Variants in EGFR observed in about 807,000 individuals in gnomAD.
EGFR encodes the protein epidermal growth factor receptor.
In EGFR, 58 loss-of-function variants were observed where a neutral mutation model predicts 143.0. The observed-to-expected ratio is 0.41, with a 90% confidence interval of 0.33 to 0.50. EGFR has a LOEUF of 0.50. Among genes scored for constraint, EGFR ranks in the 20% least tolerant of loss-of-function variants. The pLI is 0.39. For missense variants in EGFR, 1,307 were observed against 1,579.0 expected, an observed-to-expected ratio of 0.83 and a Z score of 2.92; for synonymous variants, 613 against 594.4, an observed-to-expected ratio of 1.03 and a Z score of -0.45.
At chr7:55,190,647 T>C (rs13224708) in intron 20 of EGFR, among the ~76,000 whole-genome samples, 4,391 of 152,288 alleles carry the variant, frequency 0.029, 86 homozygotes, top group Non-Finnish European at 0.047. Context: ...CCTGTTTGTT[T>C]CTGTTTGCTG....
intron 1 of EGFR, among the ~76,000 whole-genome samples, chr7:55,036,229 T>G (rs1252687263): frequency 1.4e-5 from 2 of 141,422 alleles, no homozygotes; most frequent in Non-Finnish European, 3.1e-5. Flanking sequence ...GAGCTAAGTT[T>G]ATATTCTGTT....
At chr7:55,116,544 C>CAT (rs771626566) in intron 1 of EGFR, among the ~76,000 whole-genome samples, 1 of 151,920 alleles carries the variant, frequency 6.6e-6, no homozygotes, top group Non-Finnish European at 1.5e-5. Flanking sequence ...CATACACACA[C>CAT]ACACACACAC....
intron 1 of EGFR, among the ~76,000 whole-genome samples, chr7:55,097,186 T>G (rs1404933773): frequency 6.6e-6 from 1 of 152,182 alleles, no homozygotes; most frequent in Non-Finnish European, 1.5e-5. Context: ...ATCTGCAGTT[T>G]TCACAAGCAC....
intron 19 of EGFR, among the ~76,000 whole-genome samples, chr7:55,178,501 T>A (rs538047742): frequency 6.6e-6 from 1 of 152,290 alleles, no homozygotes; most frequent in South Asian, 2.1e-4. Context: ...CAGTGGGCCA[T>A]GGAGGGAGCC....
intron 17 of EGFR, among the ~76,000 whole-genome samples, chr7:55,173,617 A>C (rs1786458672): frequency 1.3e-5 from 2 of 152,256 alleles, no homozygotes; most frequent in African/African-American, 4.8e-5. Flanking sequence ...GCCATGCACA[A>C]CTTCCCTACC....
chr7:55,020,217 C>T (rs1272100677), intron 1 of EGFR, among the ~76,000 whole-genome samples: 1 of 152,238 alleles, frequency 6.6e-6, no homozygotes, highest in Non-Finnish European at 1.5e-5. Flanking sequence ...GTGCCCCCCA[C>T]CTCCCGGGGA....
rs11372886 is a variant in EGFR at position 55,023,650 on chromosome 7, C to CAAAA, written c.88+4301_88+4304dup. On this transcript the variant is annotated intron_variant, in intron 1 of 27. Transcript: ENST00000275493. ...CGCGCGACAGTGTGAGACTCCATCT[C>CAAAA]AAAAAAAAAAAAAAAAAAACAGATT... Among the ~76,000 whole-genome samples, 670 of 93,946 alleles carry CAAAA rather than the reference C, an allele frequency of 7.1e-3. 19 individuals carry two copies. Among genetic ancestry groups the CAAAA allele is most frequent in the African/African-American group, 0.025 (604 of 24,084 alleles). The allele number at this position is 93,946 out of a possible 152,430, so 61.6% of individuals were successfully genotyped here.
chr7:55,143,602 A>G, intron 3 of EGFR, 114 bp downstream of exon 3: 2 of 1,203,742 alleles, frequency 1.7e-6, no homozygotes, highest in Non-Finnish European at 2.4e-6. Flanking sequence ...ATTTTTACCC[A>G]GTACACGTGC....
intron 1 of EGFR, among the ~76,000 whole-genome samples, chr7:55,082,877 CT>C (rs1351621586): frequency 1.3e-5 from 2 of 152,182 alleles, no homozygotes; most frequent in Non-Finnish European, 2.9e-5. Flanking sequence ...GATGATGCCC[CT>C]GGCCTCTCCC....
At chr7:55,122,721 G>A (rs963830261) in intron 1 of EGFR, among the ~76,000 whole-genome samples, 3 of 152,186 alleles carry the variant, frequency 2.0e-5, no homozygotes, top group Non-Finnish European at 4.4e-5. Context: ...GATCCTCTGG[G>A]ACACTTTCCT....
intron 1 of EGFR, among the ~76,000 whole-genome samples, chr7:55,122,235 A>AC (rs1793250702): frequency 6.6e-6 from 1 of 152,052 alleles, no homozygotes; most frequent in Non-Finnish European, 1.5e-5. Context: ...TCCTCCGTCG[A>AC]CCTTGGCCTT....
chr7:55,129,162 T>C (rs6593207), intron 1 of EGFR, among the ~76,000 whole-genome samples: 19,086 of 152,196 alleles, frequency 0.13, 1,418 homozygotes, highest in East Asian at 0.29. Context: ...TGAGTGCTCA[T>C]ACATGAGAGA....
chr7:55,059,230 G>C (rs1414826856), intron 1 of EGFR, among the ~76,000 whole-genome samples: 1 of 152,154 alleles, frequency 6.6e-6, no homozygotes, highest in Non-Finnish European at 1.5e-5. Context: ...GGCACCAGCT[G>C]GTATTCATCC....
In EGFR at chr7:55,152,216, G is replaced by T. The variant is rs41364648; in HGVS notation, c.629-330G>T. On this transcript the variant is annotated intron_variant, in intron 5 of 27. Transcript: ENST00000275493. ...ATGTCCTTAAGCTGAATTGTGGGGG[G>T]GCTGTTAGGCCCTTCTAAACACTAC... is the stretch of plus-strand genomic sequence containing the variant. The T allele has an allele frequency of 0.024, 11,229 of 469,120 alleles. 195 individuals are homozygous for T. Among genetic ancestry groups the T allele is most frequent in the Middle Eastern group, 0.067 (211 of 3,158 alleles). 29.1% of individuals were successfully genotyped at this position (469,120 alleles called of 1,614,324 possible).
rs536317064 is a variant in EGFR, at chr7:55,111,374, T to G, written c.89-30912T>G. Among the ~76,000 whole-genome samples, 574 of 152,206 alleles carry G rather than the reference T, an allele frequency of 3.8e-3. 3 individuals carry two copies. Among genetic ancestry groups the G allele is most frequent in the Non-Finnish European group, 6.3e-3 (430 of 67,998 alleles). On this transcript the variant is annotated intron_variant, in intron 1 of 27. Transcript: ENST00000275493. ...TCTCGCTTGCTAGACGTTTTGTTTT[T>G]TTTTTTTTCTAAACCTCACACCTTT...
Position 55,151,343 on chromosome 7 carries a change from A to T in EGFR, c.609A>T (p.Gly203=). 6.2e-7 allele frequency: 1 copy of T among 1,614,194 alleles called. No individual in the cohort carries two copies. Among genetic ancestry groups the T allele is most frequent in the Non-Finnish European group, 8.5e-7 (1 of 1,180,030 alleles). The change falls in exon 5 of 28, where the codon GGA becomes GGT. Residue 203 remains glycine, a synonymous_variant. Coordinates refer to ENST00000275493, the MANE Select transcript of EGFR (RefSeq NM_005228.5). The part of the protein sequence containing the change: ...SCPNGSCWGA[G]EENCQKLTKI... ...CCAATGGGAGCTGCTGGGGTGCAGGAGAGGAGAACTGCCAGAAACGTAAGT... is the reference window on the plus strand; with the variant it reads ...CCAATGGGAGCTGCTGGGGTGCAGGTGAGGAGAACTGCCAGAAACGTAAGT...
chr7:55,157,070 G>A (rs1785459870), intron 10 of EGFR: 4 of 1,010,054 alleles, frequency 4.0e-6, no homozygotes, highest in Admixed American at 2.9e-5. Context: ...CTCCCGCCCG[G>A]CCCCAGCCAG....
At chr7:55,157,028 G>A in intron 10 of EGFR, 196 bp downstream of exon 10, 2 of 1,355,880 alleles carry the variant, frequency 1.5e-6, no homozygotes, top group Non-Finnish European at 2.0e-6. Context: ...CCAGGCTTGG[G>A]TCATTCACTG....
intron 15 of EGFR, chr7:55,166,158 C>T (rs969256926): frequency 2.2e-5 from 10 of 454,968 alleles, no homozygotes; most frequent in Non-Finnish European, 3.4e-5. Context: ...TCGCAAAAAA[C>T]AAAAACAAAA....
Sources: gnomAD v4.1 joint callset for allele counts (sites outside exome capture counted in the v4.1 genomes callset) on GRCh38, gnomAD v4.1.1 for gene constraint, MANE v1.5 for transcripts, NCBI Gene and HGNC (gene_info 2026-07-23, HGNC 2026-07-21) for gene names.